The following CRTC1 variants were observed in gnomAD, a reference collection of about 807,000 sequenced individuals.
CRTC1 encodes CREB-regulated transcription coactivator 1.
A neutral mutation model predicts 66.1 loss-of-function variants in CRTC1; 18 were observed. That is an observed-to-expected ratio of 0.27 (90% confidence interval 0.19 to 0.40). The LOEUF is 0.40. Among genes scored for constraint, CRTC1 ranks in the 10% least tolerant of loss-of-function variants. The pLI is 1.00. For missense variants in CRTC1, 669 were observed against 887.9 expected (o/e 0.75, Z 3.13); for synonymous variants, 416 against 398.8 (o/e 1.04, Z -0.51).
rs60907638 is a variant in CRTC1, at chr19:18,727,580, CA to C, written c.127-15313del. Among the ~76,000 whole-genome samples, 104 of 51,800 alleles carry C rather than the reference CA, an allele frequency of 2.0e-3. 2 individuals carry two copies. The highest frequency in any genetic ancestry group is 0.013 in the Middle Eastern group (1 of 80). The allele number at this position is 51,800 out of a possible 152,430, so 34.0% of individuals were successfully genotyped here. A position where few individuals can be genotyped will look rare whatever the true frequency, so the allele number is the denominator to read the frequency against. ...TGGGTGACAGAGCAAGACTCTGTCT[CA>C]AAAAAAAAAAAAAAAAGAAGAAGAA... On this transcript the variant is annotated intron_variant, in intron 1 of 13. Transcript: ENST00000321949.
At chr19:18,716,645 A>G (rs528938453) in intron 1 of CRTC1, among the ~76,000 whole-genome samples, 25 of 152,296 alleles carry the variant, frequency 1.6e-4, no homozygotes, top group African/African-American at 6.0e-4. Context: ...CATGGCTAGT[A>G]TAGGGGCTAG....
At chr19:18,766,881 T>C (rs1400085342) in intron 9 of CRTC1, among the ~76,000 whole-genome samples, 1 of 152,244 alleles carries the variant, frequency 6.6e-6, no homozygotes, top group Non-Finnish European at 1.5e-5. Context: ...TGTTCACTTC[T>C]CTTCTATTTT....
At chr19:18,723,265 C>A (rs1011785050) in intron 1 of CRTC1, among the ~76,000 whole-genome samples, 1 of 152,166 alleles carries the variant, frequency 6.6e-6, no homozygotes, top group Non-Finnish European at 1.5e-5. Context: ...TTTTGTTGTA[C>A]GGATGGACCA....
chr19:18,739,993 C>G (rs185203158), intron 1 of CRTC1, among the ~76,000 whole-genome samples: 1 of 152,286 alleles, frequency 6.6e-6, no homozygotes, highest in Non-Finnish European at 1.5e-5. Context: ...TGGCTCACAC[C>G]TGTAACCCCA....
intron 1 of CRTC1, among the ~76,000 whole-genome samples, chr19:18,728,481 C>T (rs1206161704): frequency 6.6e-6 from 1 of 152,056 alleles, no homozygotes; most frequent in African/African-American, 2.4e-5. Flanking sequence ...AGAGCAGCTC[C>T]GGGGAAGTTC....
intron 8 of CRTC1, among the ~76,000 whole-genome samples, chr19:18,764,375 G>A (rs1052592457): frequency 2.6e-5 from 4 of 152,248 alleles, no homozygotes; most frequent in Admixed American, 1.3e-4. Context: ...TCACCAACCA[G>A]GGAACCAAGT....
At chr19:18,698,733 TAGC>T (rs1244514945) in intron 1 of CRTC1, among the ~76,000 whole-genome samples, 1 of 150,266 alleles carries the variant, frequency 6.7e-6, no homozygotes, top group Non-Finnish European at 1.5e-5. Flanking sequence ...AGCAGGCACT[TAGC>T]AGGCGCACAG....
At chr19:18,765,362 C>G in intron 8 of CRTC1, 42 bp from the exon 9 acceptor site, 1 of 1,573,544 alleles carries the variant, frequency 6.4e-7, no homozygotes, top group Non-Finnish European at 8.7e-7. Context: ...TCTCAGTGAT[C>G]AGTCTCACAC....
chr19:18,687,670 C>T (rs1316115508), intron 1 of CRTC1, among the ~76,000 whole-genome samples: 2 of 152,178 alleles, frequency 1.3e-5, no homozygotes, highest in Non-Finnish European at 1.5e-5. Flanking sequence ...CCTTTGAATT[C>T]CAAAGGACAG....
intron 2 of CRTC1, among the ~76,000 whole-genome samples, chr19:18,743,838 G>A (rs1235222034): frequency 6.6e-6 from 1 of 152,232 alleles, no homozygotes; most frequent in African/African-American, 2.4e-5. Context: ...CACTGATGCT[G>A]GGCGTGTTCT....
At chr19:18,713,451 T>G (rs150233676) in intron 1 of CRTC1, among the ~76,000 whole-genome samples, 3 of 146,022 alleles carry the variant, frequency 2.1e-5, no homozygotes, top group Admixed American at 2.1e-4. Context: ...TTTAACTGTT[T>G]GAGTAGTGGC....
intron 1 of CRTC1, among the ~76,000 whole-genome samples, chr19:18,693,069 C>T (rs556059994): frequency 2.2e-4 from 21 of 96,840 alleles, no homozygotes; most frequent in East Asian, 1.1e-3. Context: ...AGCGAGACTC[C>T]GTCTCAAAAA....
intron 1 of CRTC1, among the ~76,000 whole-genome samples, chr19:18,720,232 C>T (rs565575462): frequency 6.6e-6 from 1 of 152,282 alleles, no homozygotes; most frequent in East Asian, 1.9e-4. Context: ...GACGCGATCT[C>T]GTGTCACTGC....
chr19:18,748,844 C>T (rs1219726320), intron 4 of CRTC1, among the ~76,000 whole-genome samples: 2 of 151,982 alleles, frequency 1.3e-5, no homozygotes, highest in Non-Finnish European at 2.9e-5. Context: ...TCACCAAGCC[C>T]GTATCATAGG....
intron 1 of CRTC1, among the ~76,000 whole-genome samples, chr19:18,700,920 C>A (rs1006513904): frequency 2.0e-5 from 3 of 151,912 alleles, no homozygotes; most frequent in East Asian, 3.8e-4. Context: ...TGAGTCCTTT[C>A]GCATCTGTGC....
At chr19:18,725,213 G>T (rs930613117) in intron 1 of CRTC1, among the ~76,000 whole-genome samples, 1 of 152,116 alleles carries the variant, frequency 6.6e-6, no homozygotes, top group Non-Finnish European at 1.5e-5. Context: ...GCAATGCTGA[G>T]GGGGAGGCCT....
chr19:18,730,107 C>A (rs1468751254), intron 1 of CRTC1, among the ~76,000 whole-genome samples: 1 of 152,178 alleles, frequency 6.6e-6, no homozygotes, highest in Non-Finnish European at 1.5e-5. Context: ...CCAAGGCCGG[C>A]CGTGGCTTCT....
intron 1 of CRTC1, among the ~76,000 whole-genome samples, chr19:18,690,697 G>A (rs1293805299): frequency 6.6e-6 from 1 of 152,080 alleles, no homozygotes; most frequent in Non-Finnish European, 1.5e-5. Flanking sequence ...ATCCTGGGGG[G>A]GTGGCCCTAA....
chr19:18,725,665 C>T (rs561434908), intron 1 of CRTC1, among the ~76,000 whole-genome samples: 42 of 152,334 alleles, frequency 2.8e-4, no homozygotes, highest in African/African-American at 9.4e-4. Context: ...AGCCCCTCCT[C>T]CCTCTTCCTG....
Sources: allele counts gnomAD v4.1 joint callset (sites outside exome capture counted in the v4.1 genomes callset), GRCh38; gene constraint gnomAD v4.1.1; transcripts MANE v1.5; gene names NCBI Gene and HGNC (gene_info 2026-07-23, HGNC 2026-07-21).